Variants in POF1B observed in about 807,000 individuals in gnomAD.
POF1B encodes the protein protein POF1B.
In POF1B, 53 loss-of-function variants were observed where a neutral mutation model predicts 55.3. The ratio of observed to expected loss-of-function variants is 0.96; its 90% CI spans 0.77 to 1.20. The LOEUF (loss-of-function observed/expected upper bound fraction) is 1.20, where lower values mean the gene tolerates loss of function less well. POF1B is among the 50% of genes most tolerant of loss of function. The pLI is 0.00. For missense variants in POF1B, 478 were observed against 420.5 expected, an observed-to-expected ratio of 1.14 and a Z score of -1.20; for synonymous variants, 188 against 148.3, an observed-to-expected ratio of 1.27 and a Z score of -1.95.
At chrX:85,316,800 G>A (rs909518525) in intron 7 of POF1B, among the ~76,000 whole-genome samples, 1 of 109,931 alleles carries the variant, frequency 9.1e-6, no homozygotes. Flanking sequence ...TGGTGGTTTG[G>A]TGTACAAATG....
intron 15 of POF1B, among the ~76,000 whole-genome samples, chrX:85,291,696 G>A (rs1360836649): frequency 9.1e-6 from 1 of 109,991 alleles, no homozygotes; most frequent in Non-Finnish European, 1.9e-5. Flanking sequence ...GTGAATAGGA[G>A]GTCATTTCTG....
chrX:85,361,980 G>A (rs2147946099), intron 3 of POF1B, among the ~76,000 whole-genome samples: 1 of 109,264 alleles, frequency 9.2e-6, no homozygotes, highest in East Asian at 2.9e-4. Context: ...GTGTGTGTGT[G>A]TGTGTGTGTA....
rs762581614 is a variant in POF1B, at chrX:85,320,433, T to C, written c.855-4699A>G. On this transcript the variant is annotated intron_variant, in intron 7 of 16. Coordinates refer to ENST00000262753, the MANE Select transcript of POF1B (RefSeq NM_024921.4). Reference sequence around the variant, plus strand: ...AACATACCAGAATCTCTGGGACACATTGAAAACAGTGTGTAGAGGGAAATT... The same window carrying C: ...AACATACCAGAATCTCTGGGACACACTGAAAACAGTGTGTAGAGGGAAATT... 1.9e-3 allele frequency among the ~76,000 whole-genome samples: 209 copies of C among 109,633 alleles called. 1 individual carries two copies. Among genetic ancestry groups the C allele is most frequent in the African/African-American group, 6.6e-3 (199 of 30,144 alleles).
Position 85,282,307 on chromosome X carries a change from G to T in POF1B, c.1660C>A (p.Gln554Lys). 2 of 1,155,299 alleles carry T rather than the reference G, an allele frequency of 1.7e-6. No individual in the cohort carries two copies. Among genetic ancestry groups the T allele is most frequent in the Non-Finnish European group, 2.3e-6 (2 of 862,389 alleles). The change falls in exon 16 of 17, where the codon CAA (glutamine) becomes AAA (lysine). Residue 554 changes from glutamine to lysine, a missense_variant. Physicochemically the swap from Gln to Lys is moderately conservative, Grantham distance 53. Transcript: ENST00000262753. The part of the protein sequence containing the change: ...TTITTKKYRT[Q>K]YPILGLLYDD... ...TATAGGAGGCCTAGGATTGGATATT[G>T]TGTCCTGTACCTGTTGGCAAGAAAA...
At chrX:85,371,251 T>C (rs1226020373) in intron 2 of POF1B, among the ~76,000 whole-genome samples, 1 of 111,965 alleles carries the variant, frequency 8.9e-6, no homozygotes, top group Non-Finnish European at 1.9e-5. Flanking sequence ...TGACGTTCTG[T>C]GAATATAAGA....
chrX:85,286,441 C>A (rs1334037754), intron 15 of POF1B, among the ~76,000 whole-genome samples: 1 of 111,332 alleles, frequency 9.0e-6, no homozygotes, highest in Non-Finnish European at 1.9e-5. Context: ...AAATTTAAAT[C>A]TATCCATATA....
At chrX:85,343,406 A>G (rs1379665891) in intron 6 of POF1B, among the ~76,000 whole-genome samples, 1 of 110,601 alleles carries the variant, frequency 9.0e-6, no homozygotes, top group East Asian at 2.9e-4. Flanking sequence ...GGGAAAGAAT[A>G]TTATAACATT....
chrX:85,379,260 G>A lies in POF1B; in HGVS notation c.195C>T (p.Ala65=), dbSNP rs758049777. The part of the protein sequence containing the change: ...YSGPMNKVVQ[A]LDPFNSREVL... ...CTTCCCGTGAGTTGAAGGGGTCCAA[G>A]GCCTGCACCACCTTGTTCATGGGCC... Residue 65 remains alanine (A), a synonymous_variant, in exon 2 of 17, where the codon GCC becomes GCT. Transcript: ENST00000262753. The A allele has an allele frequency of 3.0e-5, 36 of 1,210,741 alleles. 1 individual carries two copies. In the South Asian group the frequency reaches 5.4e-4, roughly 18 times the overall value.
chrX:85,308,051 C>T, intron 10 of POF1B, 73 bp downstream of exon 10: 1 of 601,776 alleles, frequency 1.7e-6, no homozygotes, highest in Non-Finnish European at 2.6e-6. Context: ...AAAACATATA[C>T]TGGACATCTT....
At chrX:85,308,282 G>GTTT in intron 9 of POF1B, 66 bp from the exon 10 acceptor site, 1 of 702,618 alleles carries the variant, frequency 1.4e-6, no homozygotes, top group Non-Finnish European at 2.0e-6. Flanking sequence ...ATAAGTGAAA[G>GTTT]TTTTTTTTTT....
intron 15 of POF1B, among the ~76,000 whole-genome samples, chrX:85,284,522 CT>C (rs1192746705): frequency 8.9e-6 from 1 of 111,870 alleles, no homozygotes; most frequent in Non-Finnish European, 1.9e-5. Context: ...ATCACCTGAT[CT>C]TTGACAAATC....
intron 6 of POF1B, among the ~76,000 whole-genome samples, chrX:85,334,791 G>A (rs920274728): frequency 9.0e-6 from 1 of 111,488 alleles, no homozygotes; most frequent in African/African-American, 3.2e-5. Context: ...TTTCATATTT[G>A]TGATCTATGA....
At chrX:85,346,349 A>G (rs184009291) in intron 5 of POF1B, among the ~76,000 whole-genome samples, 18 of 110,282 alleles carry the variant, frequency 1.6e-4, no homozygotes, top group Admixed American at 1.6e-3. Context: ...ATGAATATTA[A>G]TATTAATATT....
intron 4 of POF1B, among the ~76,000 whole-genome samples, chrX:85,353,644 A>G (rs1328210204): frequency 1.8e-5 from 2 of 111,185 alleles, no homozygotes; most frequent in Non-Finnish European, 3.8e-5. Context: ...TCTTTTACAA[A>G]AAAATGTCTG....
chrX:85,374,468 G>C (rs1183707840), intron 2 of POF1B, among the ~76,000 whole-genome samples: 3 of 111,920 alleles, frequency 2.7e-5, no homozygotes, highest in Non-Finnish European at 1.9e-5. Flanking sequence ...ACGTAGTGCA[G>C]GCTTTGTTTC....
intron 3 of POF1B, among the ~76,000 whole-genome samples, chrX:85,366,726 G>C (rs1189118253): frequency 2.7e-5 from 3 of 110,922 alleles, no homozygotes; most frequent in Non-Finnish European, 5.7e-5. Flanking sequence ...GCCCATGCTA[G>C]TCTGTGAGCT....
At chrX:85,296,306 G>C (rs1358754661) in intron 15 of POF1B, among the ~76,000 whole-genome samples, 1 of 112,140 alleles carries the variant, frequency 8.9e-6, no homozygotes, top group Non-Finnish European at 1.9e-5. Context: ...TTGTTGTGTA[G>C]CTTTGGTTGT....
chrX:85,305,614 C>T (rs1932552749), intron 13 of POF1B, among the ~76,000 whole-genome samples, 177 bp downstream of exon 13: 1 of 111,671 alleles, frequency 9.0e-6, no homozygotes, highest in African/African-American at 3.2e-5. Flanking sequence ...ATTAGAAAAT[C>T]ATTTAACAGT....
At chrX:85,378,449 G>A (rs1047864973) in intron 2 of POF1B, among the ~76,000 whole-genome samples, 3 of 111,641 alleles carry the variant, frequency 2.7e-5, no homozygotes, top group African/African-American at 6.5e-5. Flanking sequence ...ATTAACACAG[G>A]TATTGGTGCT....
Sources: gnomAD v4.1 joint callset for allele counts (sites outside exome capture counted in the v4.1 genomes callset) on GRCh38, gnomAD v4.1.1 for gene constraint, MANE v1.5 for transcripts, NCBI Gene and HGNC (gene_info 2026-07-23, HGNC 2026-07-21) for gene names.